The following PCP4L1 variants were observed in gnomAD, a reference collection of about 807,000 sequenced individuals.
The protein encoded by PCP4L1 is Purkinje cell protein 4 like 1.
Under a neutral mutation model 9.6 loss-of-function variants are expected in PCP4L1, and 9 were observed. The ratio of observed to expected loss-of-function variants is 0.94; its 90% confidence interval spans 0.57 to 1.64. The LOEUF is 1.64. Ranked by LOEUF, PCP4L1 falls within the 40% of genes most tolerant of loss-of-function variation. The pLI is 0.00. For synonymous variants in PCP4L1, 31 were observed against 28.2 expected, an observed-to-expected ratio of 1.10 and a Z score of -0.31; for missense variants, 81 against 80.8, an observed-to-expected ratio of 1.00 and a Z score of -0.01.
intron 1 of PCP4L1, among the ~76,000 whole-genome samples, chr1:161,260,191 T>C (rs1173601172): frequency 7.0e-6 from 1 of 143,192 alleles, no homozygotes; most frequent in Non-Finnish European, 1.5e-5. Context: ...AAAATGAAGA[T>C]CTCTATGACT....
chr1:161,272,868 A>G (rs1219988756), intron 1 of PCP4L1, among the ~76,000 whole-genome samples: 3 of 152,044 alleles, frequency 2.0e-5, no homozygotes, highest in African/African-American at 7.2e-5. Flanking sequence ...CATCTGACAA[A>G]TGCTCTGGGA....
chr1:161,272,314 C>T (rs1669636157), intron 1 of PCP4L1, among the ~76,000 whole-genome samples: 1 of 151,396 alleles, frequency 6.6e-6, no homozygotes, highest in African/African-American at 2.4e-5. Flanking sequence ...AATCCCAGCA[C>T]TTTGGGAAGC....
chr1:161,274,222 G>A (rs1669666105), intron 1 of PCP4L1, among the ~76,000 whole-genome samples: 1 of 152,112 alleles, frequency 6.6e-6, no homozygotes. Flanking sequence ...ATTTCTTCCA[G>A]TTCCCCCAGT....
intron 1 of PCP4L1, among the ~76,000 whole-genome samples, chr1:161,282,170 C>T (rs187348490): frequency 0.014 from 2,192 of 152,160 alleles, 66 homozygotes; most frequent in African/African-American, 0.05. Flanking sequence ...GGATCACTCG[C>T]GGTTAGGAGC....
At chr1:161,274,142 G>T (rs192017098) in intron 1 of PCP4L1, among the ~76,000 whole-genome samples, 1 of 152,218 alleles carries the variant, frequency 6.6e-6, no homozygotes, top group African/African-American at 2.4e-5. Context: ...ACTTAGAAAA[G>T]TAGCTGGCAC....
At chr1:161,270,255 C>A (rs1426882683) in intron 1 of PCP4L1, among the ~76,000 whole-genome samples, 3 of 151,880 alleles carry the variant, frequency 2.0e-5, no homozygotes, top group Admixed American at 1.3e-4. Context: ...TGAGATCATG[C>A]CACTGTACTC....
intron 1 of PCP4L1, among the ~76,000 whole-genome samples, chr1:161,279,797 G>GACATTAAT (rs1396838776): frequency 6.6e-6 from 1 of 152,196 alleles, no homozygotes; most frequent in Non-Finnish European, 1.5e-5. Context: ...ATGTCCAGAT[G>GACATTAAT]AAGTAGCCTT....
intron 1 of PCP4L1, among the ~76,000 whole-genome samples, chr1:161,283,038 C>A (rs989842652): frequency 6.6e-6 from 1 of 152,234 alleles, no homozygotes; most frequent in Admixed American, 6.5e-5. Flanking sequence ...CAGTCAAACT[C>A]CTTAAAAAGA....
At chr1:161,268,258 GA>G (rs1196751021) in intron 1 of PCP4L1, among the ~76,000 whole-genome samples, 1 of 150,272 alleles carries the variant, frequency 6.7e-6, no homozygotes, top group African/African-American at 2.5e-5. Context: ...GGCTTGTTTA[GA>G]AGGGGAAAAA....
Position 161,284,386 on chromosome 1 carries a change from A to G in PCP4L1, c.112A>G (p.Ile38Val). ...KKAEEEEEID[I>V]DLTAPETEKA... is the part of the protein sequence containing the mutation. ...GGCGGAGGAGGAGGAGGAGATTGAC[A>G]TTGATCTGACAGCACCAGAAACAGA... The change falls in exon 3 of 3, where the codon ATT becomes GTT. Residue 38 changes from isoleucine to valine, a missense_variant. Physicochemically the swap from Ile to Val is conservative, Grantham distance 29 (BLOSUM62 3). Transcript: ENST00000504449. 3 of 1,613,994 alleles carry G rather than the reference A, an allele frequency of 1.9e-6. No homozygotes were observed. Among genetic ancestry groups the G allele is most frequent in the Non-Finnish European group, 2.5e-6 (3 of 1,179,872 alleles).
chr1:161,264,721 T>C (rs1019828547), intron 1 of PCP4L1, among the ~76,000 whole-genome samples: 5 of 151,466 alleles, frequency 3.3e-5, no homozygotes, highest in Non-Finnish European at 7.4e-5. Flanking sequence ...CCCAGTTACG[T>C]GGGAGGCTGA....
intron 1 of PCP4L1, among the ~76,000 whole-genome samples, chr1:161,270,529 A>T (rs1669605029): frequency 6.9e-6 from 1 of 145,678 alleles, no homozygotes. Flanking sequence ...CAGAGCCCTC[A>T]TAAATGGGAT....
chr1:161,284,559 C>T lies in PCP4L1; in HGVS notation c.*78C>T, dbSNP rs933203863. ...TTCTCCACACCCATGTATCTTTATC[C>T]CTTGTCCCTCTAGCCTTTCCTTGAG... On this transcript the variant is annotated 3_prime_UTR_variant, in exon 3 of 3. Transcript: ENST00000504449. 6.5e-7 allele frequency: 1 copy of T among 1,541,888 alleles called. No individual in the cohort carries two copies. The highest frequency in any genetic ancestry group is 1.2e-5 in the South Asian group (1 of 83,274).
chr1:161,272,614 G>A (rs967964776), intron 1 of PCP4L1, among the ~76,000 whole-genome samples: 4 of 151,364 alleles, frequency 2.6e-5, no homozygotes, highest in African/African-American at 7.3e-5. Context: ...CCTATTGTCC[G>A]AGACCTGCTT....
chr1:161,273,437 C>T (rs960035400), intron 1 of PCP4L1, among the ~76,000 whole-genome samples: 1 of 152,044 alleles, frequency 6.6e-6, no homozygotes, highest in African/African-American at 2.4e-5. Context: ...AACAAACAAA[C>T]AAACAAAACC....
intron 1 of PCP4L1, among the ~76,000 whole-genome samples, chr1:161,275,992 G>A (rs762465783): frequency 6.6e-5 from 10 of 151,658 alleles, no homozygotes; most frequent in East Asian, 1.9e-4. Context: ...ATGGGGTTTC[G>A]CCATGTTGGC....
In PCP4L1 at chr1:161,284,655, G is replaced by A. The variant is rs1669878682; in HGVS notation, c.*174G>A. On this transcript the variant is annotated 3_prime_UTR_variant, in exon 3 of 3. Transcript: ENST00000504449. Reference sequence around the variant, plus strand: ...ATCACAGAAGTAGAGGCACAAGAGAGGTGGAGAAGATGAAGACTTCAATCA... The same window carrying A: ...ATCACAGAAGTAGAGGCACAAGAGAAGTGGAGAAGATGAAGACTTCAATCA... The A allele has an allele frequency of 3.6e-6, 3 of 827,988 alleles. No individual in the cohort carries two copies. The South Asian group carries it at 5.7e-5, about 16-fold the overall frequency. 51.3% of individuals were successfully genotyped at this position (827,988 alleles called of 1,614,324 possible).
intron 1 of PCP4L1, among the ~76,000 whole-genome samples, chr1:161,260,803 A>G (rs1297900999): frequency 6.6e-6 from 1 of 152,206 alleles, no homozygotes; most frequent in Admixed American, 6.5e-5. Context: ...GATGGAGACT[A>G]TCAGTGTACC....
chr1:161,281,760 GGGC>G (rs1669813172), intron 1 of PCP4L1, among the ~76,000 whole-genome samples: 3 of 28,504 alleles, frequency 1.1e-4, no homozygotes, highest in Non-Finnish European at 1.6e-4. Context: ...GGTCACGGCC[GGGC>G]AGAGGCGCTC....
Sources: gnomAD v4.1 joint callset for allele counts (sites outside exome capture counted in the v4.1 genomes callset) on GRCh38, gnomAD v4.1.1 for gene constraint, MANE v1.5 for transcripts, NCBI Gene and HGNC (gene_info 2026-07-23, HGNC 2026-07-21) for gene names.